Variants in RNF38 observed in about 807,000 individuals in gnomAD.
RNF38 encodes the protein E3 ubiquitin-protein ligase RNF38.
RNF38 carries 15 observed loss-of-function variants against 67.2 expected under a neutral mutation model. The observed-to-expected ratio is 0.22, with a 90% CI of 0.15 to 0.34. The LOEUF is 0.34. RNF38 is among the 10% of genes least tolerant of loss of function. The pLI is 1.00. For synonymous variants in RNF38, 220 were observed against 218.8 expected (o/e 1.01, Z -0.05); for missense variants, 524 against 639.9 (o/e 0.82, Z 1.95).
At chr9:36,369,602 A>G (rs1413728550) in intron 4 of RNF38, 117 bp downstream of exon 4, 3 of 761,888 alleles carry the variant, frequency 3.9e-6, no homozygotes, top group South Asian at 3.8e-5. Flanking sequence ...AGGAACTTAA[A>G]TAACTTCATT....
intron 1 of RNF38, among the ~76,000 whole-genome samples, chr9:36,438,568 T>A (rs905049303): frequency 2.0e-5 from 3 of 151,948 alleles, no homozygotes; most frequent in African/African-American, 7.2e-5. Flanking sequence ...CCACACCTTA[T>A]CCCAATACAC....
intron 2 of RNF38, among the ~76,000 whole-genome samples, chr9:36,378,976 C>T (rs1257453919): frequency 6.6e-6 from 1 of 151,724 alleles, no homozygotes; most frequent in African/African-American, 2.4e-5. Flanking sequence ...TCTCGGCTCA[C>T]CGCAACCTCT....
intron 1 of RNF38, among the ~76,000 whole-genome samples, chr9:36,472,957 C>T (rs1324156705): frequency 6.6e-6 from 1 of 151,572 alleles, no homozygotes; most frequent in Non-Finnish European, 1.5e-5. Context: ...GATGCTAAAA[C>T]TCTGTCTCTA....
At chr9:36,481,328 A>G (rs761478953) in intron 1 of RNF38, among the ~76,000 whole-genome samples, 2 of 152,074 alleles carry the variant, frequency 1.3e-5, no homozygotes, top group Non-Finnish European at 2.9e-5. Context: ...ATAGCTTTTG[A>G]TAGCGTAACT....
chr9:36,468,497 T>C lies in RNF38; in HGVS notation n.241+18811A>G, dbSNP rs567429765. ...GTAAAGAAAAGATATCCAGCCCAGA[T>C]TTCTTTTAACTTTTTATAAAATTAA... On this transcript the variant is annotated intron_variant and non_coding_transcript_variant, in intron 1 of 3. Transcript: ENST00000488058. Among the ~76,000 whole-genome samples, 10 of 152,232 alleles carry C rather than the reference T, an allele frequency of 6.6e-5. No individual in the cohort carries two copies. The East Asian group carries it at 1.9e-3, about 30-fold the overall frequency.
At chr9:36,399,584 C>T (rs908645770) in intron 1 of RNF38, among the ~76,000 whole-genome samples, 2 of 149,724 alleles carry the variant, frequency 1.3e-5, no homozygotes, top group Non-Finnish European at 1.5e-5. Context: ...TGACACAATT[C>T]CCAGGTAAAC....
chr9:36,450,767 G>A (rs1041149463), intron 1 of RNF38, among the ~76,000 whole-genome samples: 1 of 151,944 alleles, frequency 6.6e-6, no homozygotes, highest in East Asian at 1.9e-4. Context: ...ATACAAAAAT[G>A]GCCTGGCGTG....
At chr9:36,435,345 G>A (rs568102626) in intron 1 of RNF38, among the ~76,000 whole-genome samples, 1 of 152,182 alleles carries the variant, frequency 6.6e-6, no homozygotes, top group Non-Finnish European at 1.5e-5. Context: ...AGATACTTGA[G>A]GTTGCCAAGT....
At chr9:36,360,097 C>T (rs7858146) in intron 4 of RNF38, among the ~76,000 whole-genome samples, 6,236 of 152,022 alleles carry the variant, frequency 0.041, 226 homozygotes, top group Admixed American at 0.12. Flanking sequence ...TTGAATATCA[C>T]GGTTCTGTCT....
At chr9:36,378,169 C>CTTTTTT (rs35057784) in intron 2 of RNF38, among the ~76,000 whole-genome samples, 14 of 114,874 alleles carry the variant, frequency 1.2e-4, no homozygotes, top group South Asian at 2.9e-4. Flanking sequence ...TTAACACTGA[C>CTTTTTT]TTTTTTTTTT....
rs566516265 is a variant in RNF38, at chr9:36,478,403, CAAAAAAAA to C, written n.241+8897_241+8904del. 8.3e-5 allele frequency among the ~76,000 whole-genome samples: 6 copies of C among 72,286 alleles called. 1 individual carries two copies. In the Admixed American group the frequency reaches 9.4e-4, roughly 11 times the overall value. 47.4% of individuals were successfully genotyped at this position (72,286 alleles called of 152,430 possible). ...TGGGGGAGAGAGCGAGACTCCGTCT[CAAAAAAAA>C]AAAAAAAAAAAAGAGAGCGTTTATT... On this transcript the variant is annotated intron_variant and non_coding_transcript_variant, in intron 1 of 3. Coordinates refer to the RNF38 transcript ENST00000488058.
intron 1 of RNF38, among the ~76,000 whole-genome samples, chr9:36,429,049 A>C (rs926933901): frequency 6.6e-6 from 1 of 152,228 alleles, no homozygotes; most frequent in African/African-American, 2.4e-5. Context: ...AGGAATAAAT[A>C]ACACAAGGTC....
At chr9:36,401,212 G>GCGGGA (rs1319729965), upstream of RNF38, 4 of 982,388 alleles carry the variant, frequency 4.1e-6, no homozygotes, top group Non-Finnish European at 4.8e-6. Flanking sequence ...GCGGGGCGGG[G>GCGGGA]CGGGGCGGGG....
intron 11 of RNF38, among the ~76,000 whole-genome samples, chr9:36,341,777 T>C (rs992077446): frequency 6.2e-5 from 2 of 32,274 alleles, no homozygotes. Context: ...GGTGACACAC[T>C]GAGACCCTGT....
chr9:36,440,730 T>C (rs1839173890), intron 1 of RNF38, among the ~76,000 whole-genome samples: 1 of 152,192 alleles, frequency 6.6e-6, no homozygotes, highest in East Asian at 1.9e-4. Flanking sequence ...TGAGGACACA[T>C]TGATCTATTT....
chr9:36,473,190 G>C (rs774786699), intron 1 of RNF38, among the ~76,000 whole-genome samples: 1 of 151,894 alleles, frequency 6.6e-6, no homozygotes, highest in Non-Finnish European at 1.5e-5. Flanking sequence ...GCTGGGCACA[G>C]TTGGGGGTGC....
intron 2 of RNF38, among the ~76,000 whole-genome samples, chr9:36,411,278 C>T (rs1484271730): frequency 6.6e-6 from 1 of 151,768 alleles, no homozygotes; most frequent in African/African-American, 2.4e-5. Flanking sequence ...CAAGTGTTGG[C>T]GAGGATTTGG....
chr9:36,339,859 A>G, intron 11 of RNF38, 45 bp from the exon 12 acceptor site: 1 of 1,436,402 alleles, frequency 7.0e-7, no homozygotes, highest in Non-Finnish European at 9.7e-7. Flanking sequence ...GACACATACA[A>G]TGAAACACAT....
At chr9:36,405,268 T>TA (rs34571914), upstream of RNF38, among the ~76,000 whole-genome samples, 97,581 of 149,882 alleles carry the variant, frequency 0.65, 31,624 homozygotes, top group South Asian at 0.67. Context: ...CTCTGTCTCT[T>TA]AAAAAAAAAA....
Sources: allele counts gnomAD v4.1 joint callset (sites outside exome capture counted in the v4.1 genomes callset), GRCh38; gene constraint gnomAD v4.1.1; transcripts MANE v1.5; gene names NCBI Gene and HGNC (gene_info 2026-07-23, HGNC 2026-07-21).